The following C8orf89 variants were observed in gnomAD, a reference collection of about 807,000 sequenced individuals.
C8orf89 encodes putative uncharacterized protein C8orf89.
A neutral mutation model predicts 15.8 loss-of-function variants in C8orf89; 14 were observed. The ratio of observed to expected loss-of-function variants is 0.89; its 90% CI spans 0.59 to 1.39. C8orf89 has a LOEUF of 1.39. Ranked by LOEUF, C8orf89 falls within the 40% of genes most tolerant of loss-of-function variation. The pLI is 0.00. For synonymous variants in C8orf89, 55 were observed against 62.2 expected (o/e 0.88, Z 0.54); for missense variants, 181 against 184.5 (o/e 0.98, Z 0.11).
intron 1 of C8orf89, among the ~76,000 whole-genome samples, chr8:73,258,272 A>C (rs545461631): frequency 4.6e-5 from 7 of 152,058 alleles, no homozygotes; most frequent in Non-Finnish European, 1.5e-5. Context: ...TCTGCTGCGC[A>C]TGGCAGTGCA....
chr8:73,275,967 C>T, the C8orf89 span, among the ~76,000 whole-genome samples: 2 of 152,082 alleles, frequency 1.3e-5, no homozygotes, highest in Non-Finnish European at 2.9e-5. Context: ...ATTAACTACC[C>T]CTGAGCCATT....
chr8:73,259,992 G>A (rs189339677), upstream of C8orf89, among the ~76,000 whole-genome samples: 18 of 152,226 alleles, frequency 1.2e-4, no homozygotes, highest in East Asian at 1.5e-3. Context: ...CACCATGACC[G>A]CTACCATTTA....
chr8:73,281,283 C>T, the C8orf89 span, among the ~76,000 whole-genome samples: 1 of 152,046 alleles, frequency 6.6e-6, no homozygotes, highest in Admixed American at 6.6e-5. Flanking sequence ...ATCATTGATA[C>T]ATGAATATCA....
chr8:73,256,355 A>AC (rs71269903), intron 2 of C8orf89, among the ~76,000 whole-genome samples: 8,692 of 151,204 alleles, frequency 0.057, 331 homozygotes, highest in East Asian at 0.13. Flanking sequence ...CAGAGAGTTA[A>AC]TTTTTTTTTC....
chr8:73,273,570 G>T, the C8orf89 span, among the ~76,000 whole-genome samples: 1 of 152,150 alleles, frequency 6.6e-6, no homozygotes, highest in Non-Finnish European at 1.5e-5. Flanking sequence ...CCCTCTGCAT[G>T]AATAGCCTGG....
intron 1 of C8orf89, among the ~76,000 whole-genome samples, chr8:73,258,003 A>G (rs945806602): frequency 6.6e-6 from 1 of 152,196 alleles, no homozygotes; most frequent in African/African-American, 2.4e-5. Flanking sequence ...GGGTGGATAA[A>G]CTGCTGTCTG....
At chr8:73,274,905 T>G in the C8orf89 span, among the ~76,000 whole-genome samples, 106 of 152,366 alleles carry the variant, frequency 7.0e-4, 3 homozygotes, top group East Asian at 0.019. Flanking sequence ...TTAGCTGCTG[T>G]CTATATCATA....
chr8:73,261,479 G>A (rs997527082), upstream of C8orf89, among the ~76,000 whole-genome samples: 1 of 151,996 alleles, frequency 6.6e-6, no homozygotes, highest in Non-Finnish European at 1.5e-5. Context: ...GAAGAGAGGA[G>A]GGGGAGACCC....
At chr8:73,244,419 A>G (rs1451299711) in intron 3 of C8orf89, among the ~76,000 whole-genome samples, 1 of 152,236 alleles carries the variant, frequency 6.6e-6, no homozygotes, top group African/African-American at 2.4e-5. Context: ...TCAAAGTTCC[A>G]ATCACTACGT....
the C8orf89 span, among the ~76,000 whole-genome samples, chr8:73,267,942 A>C: frequency 6.6e-6 from 1 of 152,176 alleles, no homozygotes; most frequent in Admixed American, 6.5e-5. Flanking sequence ...CACCATCTAT[A>C]TAGCATTCTT....
At chr8:73,252,132 G>A (rs1813265001) in intron 2 of C8orf89, among the ~76,000 whole-genome samples, 2 of 152,006 alleles carry the variant, frequency 1.3e-5, no homozygotes, top group Admixed American at 6.6e-5. Context: ...ACAGTTTTGC[G>A]TTTTATATTT....
the C8orf89 span, among the ~76,000 whole-genome samples, chr8:73,272,063 T>G: frequency 6.6e-6 from 1 of 152,052 alleles, no homozygotes; most frequent in African/African-American, 2.4e-5. Flanking sequence ...AGGCCAAGAA[T>G]CGACTAATGG....
rs1435543167 is a variant in C8orf89, at chr8:73,250,312, GTCT to G, written c.290_292del (p.Lys97del). The G allele has an allele frequency of 5.2e-6, 8 of 1,527,734 alleles. No homozygotes were observed. The highest frequency in any genetic ancestry group is 2.0e-5 in the Admixed American group (1 of 50,890). The allele number at this position is 1,527,734 out of a possible 1,614,324, so 94.6% of individuals were successfully genotyped here. A position where few individuals can be genotyped will look rare whatever the true frequency, so the allele number is the denominator to read the frequency against. On this transcript the variant is annotated inframe_deletion, in exon 3 of 4. Transcript: ENST00000624510. The stretch of plus-strand genomic sequence containing the variant: ...TGGTGCCACACTGCATGTCTCCTTA[GTCT>G]TCTTTAGCCTGAATATTATATATTA...
intron 2 of C8orf89, among the ~76,000 whole-genome samples, chr8:73,250,579 T>C (rs1369308330): frequency 1.3e-5 from 2 of 152,138 alleles, no homozygotes; most frequent in Non-Finnish European, 2.9e-5. Flanking sequence ...ACTCAAGCAA[T>C]GCTAAGTGGG....
chr8:73,249,597 T>A (rs1813203589), intron 3 of C8orf89, among the ~76,000 whole-genome samples: 1 of 152,130 alleles, frequency 6.6e-6, no homozygotes, highest in Non-Finnish European at 1.5e-5. Context: ...TAAAAAAACT[T>A]AAGCTTTTAA....
At chr8:73,248,435 T>C (rs1330219844) in intron 3 of C8orf89, among the ~76,000 whole-genome samples, 1 of 152,204 alleles carries the variant, frequency 6.6e-6, no homozygotes, top group Non-Finnish European at 1.5e-5. Flanking sequence ...TCTTTTTTGG[T>C]TCCATATGAA....
intron 3 of C8orf89, among the ~76,000 whole-genome samples, chr8:73,248,631 A>T (rs192816022): frequency 2.2e-4 from 33 of 152,200 alleles, no homozygotes; most frequent in Non-Finnish European, 4.4e-4. Flanking sequence ...AGTGTTTTGT[A>T]GTTCTCCTTG....
At chr8:73,259,106 A>T (rs916186121) in intron 1 of C8orf89, among the ~76,000 whole-genome samples, 1 of 151,450 alleles carries the variant, frequency 6.6e-6, no homozygotes, top group Non-Finnish European at 1.5e-5. Flanking sequence ...ATTTGAGTTT[A>T]AAAAAAAAGA....
chr8:73,252,800 G>A (rs941896709), intron 2 of C8orf89, among the ~76,000 whole-genome samples: 1 of 152,160 alleles, frequency 6.6e-6, no homozygotes, highest in African/African-American at 2.4e-5. Flanking sequence ...GTGCAACTCA[G>A]AATGCTATAA....
Sources: allele counts gnomAD v4.1 joint callset (sites outside exome capture counted in the v4.1 genomes callset), GRCh38; gene constraint gnomAD v4.1.1; transcripts MANE v1.5; gene names NCBI Gene and HGNC (gene_info 2026-07-23, HGNC 2026-07-21).